FGGY: variants seen among roughly 807,000 people sequenced by gnomAD.
The protein encoded by FGGY is FGGY carbohydrate kinase domain-containing protein.
A neutral mutation model predicts 71.3 loss-of-function variants in FGGY; 72 were observed. That is an observed-to-expected ratio of 1.01 (90% CI 0.84 to 1.23). The LOEUF is 1.23. FGGY is among the 50% of genes most tolerant of loss of function. The pLI is 0.00. For missense variants in FGGY, 668 were observed against 682.3 expected (o/e 0.98, Z 0.23); for synonymous variants, 251 against 250.3 (o/e 1.00, Z -0.02).
intron 15 of FGGY, among the ~76,000 whole-genome samples, chr1:59,762,065 AATTT>A (rs1465607927): frequency 3.3e-5 from 3 of 89,860 alleles, no homozygotes; most frequent in Non-Finnish European, 6.6e-5. Flanking sequence ...CTCATTTAGG[AATTT>A]TTTTTTTTTT....
chr1:59,360,123 C>CATT (rs1317144695), intron 4 of FGGY, among the ~76,000 whole-genome samples: 85 of 101,878 alleles, frequency 8.3e-4, no homozygotes, highest in African/African-American at 3.5e-3. Flanking sequence ...ATTTTTCTAT[C>CATT]ATTGTTATTA....
intron 7 of FGGY, among the ~76,000 whole-genome samples, chr1:59,528,244 G>C (rs781010316): frequency 1.3e-5 from 2 of 152,218 alleles, no homozygotes; most frequent in Non-Finnish European, 2.9e-5. Context: ...GAGCAATAAA[G>C]AGTTTTTCCA....
chr1:59,717,285 A>G (rs1442585203), intron 14 of FGGY, among the ~76,000 whole-genome samples: 1 of 152,064 alleles, frequency 6.6e-6, no homozygotes, highest in Admixed American at 6.6e-5. Flanking sequence ...AACCCATTTA[A>G]TATAATCATA....
intron 7 of FGGY, among the ~76,000 whole-genome samples, chr1:59,520,446 C>A (rs567731438): frequency 6.6e-6 from 1 of 152,182 alleles, no homozygotes; most frequent in Non-Finnish European, 1.5e-5. Context: ...CATCAGCACT[C>A]AGTCTAAATG....
chr1:59,526,675 C>T (rs2094990584), intron 7 of FGGY, among the ~76,000 whole-genome samples: 1 of 152,224 alleles, frequency 6.6e-6, no homozygotes, highest in Admixed American at 6.5e-5. Flanking sequence ...TGTGCAGAGG[C>T]TCAGGGACGT....
chr1:59,696,261 C>A (rs1242571818), intron 14 of FGGY, among the ~76,000 whole-genome samples: 1 of 152,150 alleles, frequency 6.6e-6, no homozygotes, highest in East Asian at 1.9e-4. Context: ...TATAGACACC[C>A]TTTTTCTAAG....
chr1:59,570,912 C>A (rs2095974512), intron 8 of FGGY, among the ~76,000 whole-genome samples: 2 of 152,152 alleles, frequency 1.3e-5, no homozygotes, highest in African/African-American at 4.8e-5. Context: ...ATTTGGGACA[C>A]AGGTGCACTT....
intron 5 of FGGY, among the ~76,000 whole-genome samples, chr1:59,397,999 T>A (rs1010002134): frequency 1.3e-5 from 2 of 152,118 alleles, no homozygotes; most frequent in Middle Eastern, 3.2e-3. Context: ...CAAGAACACA[T>A]CTAAAGGATG....
chr1:59,431,138 C>A (rs1311545882), intron 5 of FGGY, among the ~76,000 whole-genome samples: 1 of 152,188 alleles, frequency 6.6e-6, no homozygotes, highest in Non-Finnish European at 1.5e-5. Flanking sequence ...ACTTCTCCCC[C>A]ATGTCACCTA....
chr1:59,597,811 A>G (rs1292238487), intron 8 of FGGY, among the ~76,000 whole-genome samples: 2 of 152,126 alleles, frequency 1.3e-5, no homozygotes, highest in African/African-American at 4.8e-5. Context: ...GGAGGGAGCC[A>G]TTTTTCCTAC....
intron 4 of FGGY, among the ~76,000 whole-genome samples, chr1:59,351,696 A>C (rs558436389): frequency 1.3e-5 from 2 of 152,294 alleles, no homozygotes; most frequent in East Asian, 3.9e-4. Flanking sequence ...ATGAGACCTG[A>C]ATGAGGCACT....
At chr1:59,425,087 C>T (rs2066114176) in intron 5 of FGGY, among the ~76,000 whole-genome samples, 1 of 152,082 alleles carries the variant, frequency 6.6e-6, no homozygotes, top group South Asian at 2.1e-4. Flanking sequence ...ATATTACTTC[C>T]CTTAGAATAT....
rs1160847681 is a variant in FGGY at position 59,638,229 on chromosome 1, T to G, written c.1075T>G (p.Cys359Gly). ...PELQVKATARCQSIYAYLNSH... is the reference protein window; with the variant it reads ...PELQVKATARGQSIYAYLNSH... Reference sequence around the variant, plus strand: ...AAATAAAATTCACTTCTCTTCCAGATGCCAGAGTATATATGCATATTTGAA... The same window carrying G: ...AAATAAAATTCACTTCTCTTCCAGAGGCCAGAGTATATATGCATATTTGAA... The change falls in exon 11 of 16, where the codon TGC (cysteine) becomes GGC (glycine). Residue 359 changes from cysteine (C) to glycine (G), a missense_variant and splice_region_variant. Coordinates refer to ENST00000303721, the MANE Select transcript of FGGY (RefSeq NM_018291.5). The G allele has an allele frequency of 2.5e-6, 4 of 1,612,874 alleles. No homozygotes were observed. The African/African-American group carries it at 5.3e-5, about 22-fold the overall frequency.
intron 4 of FGGY, among the ~76,000 whole-genome samples, chr1:59,364,345 G>C (rs989578124): frequency 1.3e-5 from 2 of 152,236 alleles, no homozygotes; most frequent in African/African-American, 4.8e-5. Flanking sequence ...CTTCCTGGCA[G>C]TCTGGCTTGC....
chr1:59,322,418 G>A (rs1557539511), intron 2 of FGGY, among the ~76,000 whole-genome samples: 1 of 151,876 alleles, frequency 6.6e-6, no homozygotes, highest in Non-Finnish European at 1.5e-5. Flanking sequence ...TGTACCCAAT[G>A]TGTAGTCTTT....
chr1:59,430,340 A>C (rs911152737), intron 5 of FGGY, among the ~76,000 whole-genome samples: 6 of 152,168 alleles, frequency 3.9e-5, no homozygotes, highest in African/African-American at 1.4e-4. Context: ...TCTGTGGTAC[A>C]TTTTGGTCCA....
intron 6 of FGGY, among the ~76,000 whole-genome samples, chr1:59,470,088 G>A (rs753318912): frequency 1.3e-5 from 2 of 152,124 alleles, no homozygotes; most frequent in African/African-American, 2.4e-5. Flanking sequence ...ATAATAGAAT[G>A]ATCTATATTC....
chr1:59,745,254 C>A (rs149698312), intron 14 of FGGY, among the ~76,000 whole-genome samples: 1 of 152,274 alleles, frequency 6.6e-6, no homozygotes, highest in East Asian at 1.9e-4. Context: ...ACCAAAATGG[C>A]TCTCGCTTAG....
chr1:59,456,273 C>T (rs1161444623), intron 5 of FGGY, among the ~76,000 whole-genome samples: 8 of 152,068 alleles, frequency 5.3e-5, no homozygotes, highest in Admixed American at 3.9e-4. Flanking sequence ...TGATAAGGAG[C>T]CTTTTGTTAA....
Sources: allele counts gnomAD v4.1 joint callset (sites outside exome capture counted in the v4.1 genomes callset), GRCh38; gene constraint gnomAD v4.1.1; transcripts MANE v1.5; gene names NCBI Gene and HGNC (gene_info 2026-07-23, HGNC 2026-07-21).